The following THAP12 variants were observed in gnomAD, a reference collection of about 807,000 sequenced individuals.
THAP12 encodes the protein 52 kDa repressor of the inhibitor of the protein kinase.
Under a neutral mutation model 63.0 loss-of-function variants are expected in THAP12, and 20 were observed. That is an observed-to-expected ratio of 0.32 (90% CI 0.22 to 0.46). THAP12 has a LOEUF of 0.46. Among genes scored for constraint, THAP12 ranks in the 20% least tolerant of loss-of-function variants. The probability of loss-of-function intolerance (pLI) is 1.00; values close to 1 mark genes in which losing one functional copy is unlikely to be tolerated. For synonymous variants in THAP12, 264 were observed against 328.4 expected (o/e 0.80, Z 2.12); for missense variants, 568 against 908.2 (o/e 0.63, Z 4.81).
intron 2 of THAP12, among the ~76,000 whole-genome samples, chr11:76,365,060 C>A (rs1946621806): frequency 6.6e-6 from 1 of 152,080 alleles, no homozygotes; most frequent in Admixed American, 6.6e-5. Context: ...GTGGGCGGGT[C>A]ACTTGAGGTC....
intron 2 of THAP12, 57 bp downstream of exon 2, chr11:76,365,795 C>G: frequency 3.8e-6 from 6 of 1,564,910 alleles, no homozygotes; most frequent in Non-Finnish European, 5.2e-6. Context: ...CAACCAGACA[C>G]AGTGAGAGAG....
rs1232868923 is a variant in THAP12, at chr11:76,381,066, A to C, written c.-230T>G. ...GTGCTGTGAGCGGCCGGGAGGATTT[A>C]CCGCCGCCGCCGCCGCTGGTGCACC... is the stretch of plus-strand genomic sequence containing the variant. On this transcript the variant is annotated 5_prime_UTR_variant, in exon 1 of 5. Coordinates refer to ENST00000260045, the MANE Select transcript of THAP12 (RefSeq NM_004705.4). 2 of 201,426 alleles carry C rather than the reference A, an allele frequency of 9.9e-6. No individual in the cohort carries two copies. The highest frequency in any genetic ancestry group is 9.8e-6 in the Non-Finnish European group (1 of 101,882). 12.5% of individuals were successfully genotyped at this position (201,426 alleles called of 1,614,324 possible).
intron 1 of THAP12, among the ~76,000 whole-genome samples, chr11:76,370,997 G>T (rs12272873): frequency 0.014 from 2,053 of 151,860 alleles, 62 homozygotes; most frequent in African/African-American, 0.047. Context: ...CCCTGTCATT[G>T]TTCTGTTCCC....
intron 1 of THAP12, among the ~76,000 whole-genome samples, chr11:76,374,695 C>T (rs530588409): frequency 6.6e-6 from 1 of 152,262 alleles, no homozygotes; most frequent in Admixed American, 6.5e-5. Flanking sequence ...TCCTGAGAGA[C>T]CAAATATGAA....
At chr11:76,363,625 G>A (rs562506748) in intron 2 of THAP12, among the ~76,000 whole-genome samples, 1 of 152,084 alleles carries the variant, frequency 6.6e-6, no homozygotes, top group Non-Finnish European at 1.5e-5. Context: ...GTCTCACTCT[G>A]TCACCAAGGC....
In THAP12 at chr11:76,351,767, G is replaced by A; in HGVS notation, c.1383C>T (p.Asn461=). The change falls in exon 5 of 5, where the codon AAC becomes AAT. Residue 461 remains asparagine (N), a synonymous_variant. Coordinates refer to ENST00000260045, the MANE Select transcript of THAP12 (RefSeq NM_004705.4). ...GTACAAATGCTCGGCCAGCTATATA[G>A]TTATTCCATCTAATATTTGTGTCAC... The part of the protein sequence containing the change: ...INSDTNIRWN[N]YIAGRAFVLC... The A allele has an allele frequency of 6.2e-7, 1 of 1,613,356 alleles. No homozygotes were observed. Among genetic ancestry groups the A allele is most frequent in the Middle Eastern group, 1.7e-4 (1 of 6,056 alleles).
rs759493043 is a variant in THAP12 at position 76,351,241 on chromosome 11, T to C, written c.1909A>G (p.Thr637Ala). 6.4e-7 allele frequency: 1 copy of C among 1,555,920 alleles called. No homozygotes were observed. The highest frequency in any genetic ancestry group is 1.2e-5 in the South Asian group (1 of 80,754). Residue 637 changes from threonine (T) to alanine (A), a missense_variant, in exon 5 of 5, where the codon ACG becomes GCG. Physicochemically the swap from Thr to Ala is moderately conservative, Grantham distance 58. Coordinates refer to ENST00000260045, the MANE Select transcript of THAP12 (RefSeq NM_004705.4). ...MYRSDLPNPDTLSAELHCWRI... is the reference protein window; with the variant it reads ...MYRSDLPNPDALSAELHCWRI... ...CAACAATGAAGCTCAGCTGACAGCGTGTCAGGATTGGGTAAGTCACTTCTA... is the reference window on the plus strand; with the variant it reads ...CAACAATGAAGCTCAGCTGACAGCGCGTCAGGATTGGGTAAGTCACTTCTA...
At chr11:76,379,088 G>A (rs1366400303) in intron 1 of THAP12, among the ~76,000 whole-genome samples, 2 of 152,156 alleles carry the variant, frequency 1.3e-5, no homozygotes, top group Non-Finnish European at 2.9e-5. Context: ...CGACACAGGA[G>A]GACTGCTTGA....
intron 1 of THAP12, among the ~76,000 whole-genome samples, chr11:76,379,416 C>T (rs1946733826): frequency 6.6e-6 from 1 of 152,178 alleles, no homozygotes; most frequent in Non-Finnish European, 1.5e-5. Flanking sequence ...ACCATAGTGC[C>T]TTCCAAGACC....
At chr11:76,363,641 T>C (rs1410454414) in intron 2 of THAP12, among the ~76,000 whole-genome samples, 1 of 152,224 alleles carries the variant, frequency 6.6e-6, no homozygotes, top group African/African-American at 2.4e-5. Context: ...AAGGCTGAAG[T>C]GCAGTGGCAC....
At chr11:76,370,544 T>G (rs1946666089) in intron 1 of THAP12, among the ~76,000 whole-genome samples, 1 of 151,988 alleles carries the variant, frequency 6.6e-6, no homozygotes, top group Non-Finnish European at 1.5e-5. Flanking sequence ...TTGTATTTTT[T>G]GTAGAGACGG....
At chr11:76,379,944 A>C (rs1409299129) in intron 1 of THAP12, among the ~76,000 whole-genome samples, 1 of 152,200 alleles carries the variant, frequency 6.6e-6, no homozygotes, top group Non-Finnish European at 1.5e-5. Context: ...AGCTTTCTGC[A>C]AGCAGTGACA....
At position 76,375,491 on chromosome 11, in the gene THAP12, A is replaced by G. The variant is rs554853417; in HGVS notation, c.89+5257T>C. ...GCATATTAATGCCACGTTTTCTAAA[A>G]CAATAAGAACTATTATGGTATGTGA... On this transcript the variant is annotated intron_variant, in intron 1 of 4. Transcript: ENST00000260045. 2.6e-5 allele frequency among the ~76,000 whole-genome samples: 4 copies of G among 152,186 alleles called. No individual in the cohort carries two copies. In the South Asian group the frequency reaches 8.3e-4, roughly 32 times the overall value.
intron 1 of THAP12, among the ~76,000 whole-genome samples, chr11:76,373,578 C>T (rs1946688958): frequency 1.3e-5 from 2 of 151,672 alleles, no homozygotes; most frequent in South Asian, 2.1e-4. Context: ...AAAAATTAGC[C>T]GGGGGTTGTG....
At chr11:76,360,900 T>C in intron 3 of THAP12, 56 bp downstream of exon 3, 1 of 1,175,530 alleles carries the variant, frequency 8.5e-7, no homozygotes, top group East Asian at 2.3e-5. Context: ...TGCATCTGTA[T>C]TTGATTTCAT....
At chr11:76,355,789 A>T in intron 3 of THAP12, 135 bp from the exon 4 acceptor site, 1 of 641,892 alleles carries the variant, frequency 1.6e-6, no homozygotes, top group Non-Finnish European at 2.5e-6. Context: ...AATTCTTTAT[A>T]TAGTACACAT....
At chr11:76,370,839 A>T (rs1250239314) in intron 1 of THAP12, among the ~76,000 whole-genome samples, 42 of 133,622 alleles carry the variant, frequency 3.1e-4, no homozygotes, top group East Asian at 1.6e-3. Context: ...AGAAAAAAAA[A>T]AAAAATATAT....
chr11:76,362,921 C>T (rs540109702), intron 2 of THAP12, among the ~76,000 whole-genome samples: 25 of 152,270 alleles, frequency 1.6e-4, no homozygotes, highest in African/African-American at 5.3e-4. Context: ...GCCGGGTAGA[C>T]GGCTTGACCC....
intron 1 of THAP12, among the ~76,000 whole-genome samples, chr11:76,370,842 AAAT>A (rs900687718): frequency 2.1e-5 from 3 of 140,700 alleles, no homozygotes; most frequent in African/African-American, 8.0e-5. Flanking sequence ...AAAAAAAAAA[AAAT>A]ATATATATAT....
Sources: gnomAD v4.1 joint callset for allele counts (sites outside exome capture counted in the v4.1 genomes callset) on GRCh38, gnomAD v4.1.1 for gene constraint, MANE v1.5 for transcripts, NCBI Gene and HGNC (gene_info 2026-07-23, HGNC 2026-07-21) for gene names.